The following MAPK10 variants were observed in gnomAD, a reference collection of about 807,000 sequenced individuals.
MAPK10 encodes the protein JNK3 alpha protein kinase.
MAPK10 carries 25 observed loss-of-function variants against 59.3 expected under a neutral mutation model. The observed-to-expected ratio is 0.42, with a 90% confidence interval of 0.31 to 0.59. MAPK10 has a LOEUF of 0.59. Ranked by LOEUF, MAPK10 falls within the 20% of genes least tolerant of loss-of-function variation. The pLI is 0.15. For missense variants in MAPK10, 351 were observed against 568.9 expected (o/e 0.62, Z 3.90); for synonymous variants, 190 against 200.5 (o/e 0.95, Z 0.44).
chr4:86,364,572 T>C (rs1239975138), upstream of MAPK10, among the ~76,000 whole-genome samples: 1 of 152,248 alleles, frequency 6.6e-6, no homozygotes, highest in African/African-American at 2.4e-5. Flanking sequence ...TTAAAAAATC[T>C]TTTAAGTCTA....
At chr4:86,062,955 A>C (rs1297798506) in intron 11 of MAPK10, among the ~76,000 whole-genome samples, 1 of 152,182 alleles carries the variant, frequency 6.6e-6, no homozygotes, top group Non-Finnish European at 1.5e-5. Flanking sequence ...TTATTTGGTA[A>C]GAATCAAATA....
intron 5 of MAPK10, 94 bp downstream of exon 5, chr4:86,107,129 C>T: frequency 1.0e-6 from 1 of 981,560 alleles, no homozygotes; most frequent in Non-Finnish European, 1.5e-6. Context: ...AATTGCAAAG[C>T]AAAGAAAGCC....
In MAPK10 at chr4:86,267,570, C is replaced by A. The variant is rs57570754; in HGVS notation, c.-6-73163G>T. Reference sequence around the variant, plus strand: ...AACATCTTAAATGATCTGTTCCCTGCCTCTCCTGGCCTCATCTGCTGCCAT... The same window carrying A: ...AACATCTTAAATGATCTGTTCCCTGACTCTCCTGGCCTCATCTGCTGCCAT... On this transcript the variant is annotated intron_variant, in intron 2 of 13. Coordinates refer to ENST00000641462, the MANE Select transcript of MAPK10 (RefSeq NM_138982.4). Among the ~76,000 whole-genome samples the A allele has an allele frequency of 1.5e-3, 234 of 152,230 alleles. 1 individual carries two copies. The highest frequency in any genetic ancestry group is 5.2e-3 in the African/African-American group (215 of 41,520).
intron 2 of MAPK10, among the ~76,000 whole-genome samples, chr4:86,227,478 C>A (rs1454051722): frequency 1.4e-5 from 2 of 137,950 alleles, no homozygotes; most frequent in Admixed American, 7.2e-5. Context: ...CAGAGCGAGA[C>A]TCCCTCTAAA....
intron 2 of MAPK10, among the ~76,000 whole-genome samples, chr4:86,256,759 G>C (rs74757605): frequency 1.6e-4 from 3 of 18,848 alleles, no homozygotes; most frequent in African/African-American, 3.5e-4. Flanking sequence ...TTTTTTTTTT[G>C]AGACAGAGTC....
At chr4:86,260,386 T>G (rs2148738116) in intron 2 of MAPK10, among the ~76,000 whole-genome samples, 1 of 152,244 alleles carries the variant, frequency 6.6e-6, no homozygotes, top group East Asian at 1.9e-4. Flanking sequence ...ATTGCTAAAC[T>G]TCCAACAGTG....
At chr4:86,589,719 T>C (rs1486605141) in intron 1 of MAPK10, among the ~76,000 whole-genome samples, 2 of 150,472 alleles carry the variant, frequency 1.3e-5, no homozygotes, top group African/African-American at 2.5e-5. Context: ...TTCTTTAATC[T>C]AGCAATTTTA....
At chr4:86,410,634 T>A (rs180877902) in intron 1 of MAPK10, among the ~76,000 whole-genome samples, 246 of 152,094 alleles carry the variant, frequency 1.6e-3, no homozygotes, top group African/African-American at 5.5e-3. Context: ...GTCTTGGGAG[T>A]GTGTATGTGT....
intron 1 of MAPK10, among the ~76,000 whole-genome samples, chr4:86,367,101 T>C (rs1738021336): frequency 6.6e-6 from 1 of 152,160 alleles, no homozygotes; most frequent in Admixed American, 6.5e-5. Context: ...AAAAGAGTGA[T>C]GTCATTAAAG....
intron 2 of MAPK10, among the ~76,000 whole-genome samples, chr4:86,249,074 C>T (rs2093277203): frequency 6.6e-6 from 1 of 152,024 alleles, no homozygotes; most frequent in Non-Finnish European, 1.5e-5. Context: ...AAGTAAATTC[C>T]CTTGGCCATA....
At chr4:86,263,270 A>G (rs879331270) in intron 2 of MAPK10, among the ~76,000 whole-genome samples, 2 of 152,160 alleles carry the variant, frequency 1.3e-5, no homozygotes, top group Non-Finnish European at 2.9e-5. Flanking sequence ...AAATGTAAGC[A>G]TGATGTTTCT....
chr4:86,079,466 C>T (rs915179634), intron 9 of MAPK10: 2 of 152,060 alleles, frequency 1.3e-5, no homozygotes, highest in African/African-American at 4.8e-5. Flanking sequence ...TAATTTTTTA[C>T]TGGTAATTTT....
intron 4 of MAPK10, among the ~76,000 whole-genome samples, chr4:86,149,931 TA>T (rs1400968835): frequency 1.3e-4 from 20 of 152,182 alleles, no homozygotes; most frequent in Admixed American, 1.2e-3. Flanking sequence ...ATTCTTAGCT[TA>T]AAATTCAAAA....
intron 8 of MAPK10, 44 bp downstream of exon 8, chr4:86,101,008 G>T: frequency 6.3e-7 from 1 of 1,579,212 alleles, no homozygotes; most frequent in Non-Finnish European, 8.7e-7. Flanking sequence ...ACGTGCACCC[G>T]TTTCATTCAT....
intron 11 of MAPK10, chr4:86,044,577 G>C: frequency 2.5e-6 from 1 of 393,308 alleles, no homozygotes; most frequent in Non-Finnish European, 4.5e-6. Context: ...CTAGTTCTTG[G>C]TAGAATACAA....
In MAPK10 at chr4:86,031,289, G is replaced by C. The variant is rs2038962645; in HGVS notation, c.1174+79C>G. Reference sequence around the variant, plus strand: ...TCAGCAAATCATTTTTTAGTAAATTGTTTTACAAGGAAAAGCCTTGTTGAT... The same window carrying C: ...TCAGCAAATCATTTTTTAGTAAATTCTTTTACAAGGAAAAGCCTTGTTGAT... On this transcript the variant is annotated intron_variant, in intron 12 of 13. Transcript: ENST00000641462. 30 of 1,020,486 alleles carry C rather than the reference G, an allele frequency of 2.9e-5. No homozygotes were observed. In the South Asian group the frequency reaches 4.0e-4, roughly 14 times the overall value. 63.2% of individuals were successfully genotyped at this position (1,020,486 alleles called of 1,614,324 possible). A position where few individuals can be genotyped will look rare whatever the true frequency, so the allele number is the denominator to read the frequency against.
At chr4:86,512,564 G>C (rs1156300673) in intron 1 of MAPK10, among the ~76,000 whole-genome samples, 1 of 152,120 alleles carries the variant, frequency 6.6e-6, no homozygotes, top group Non-Finnish European at 1.5e-5. Flanking sequence ...TCAATATAGA[G>C]ATAAAAACTT....
At chr4:86,581,918 TATATATATATATA>T (rs1762329080) in intron 1 of MAPK10, among the ~76,000 whole-genome samples, 1 of 60,168 alleles carries the variant, frequency 1.7e-5, no homozygotes, top group Non-Finnish European at 4.3e-5. Flanking sequence ...TATATATATA[TATATATATATATA>T]TATATATATA....
intron 1 of MAPK10, among the ~76,000 whole-genome samples, chr4:86,405,890 C>T (rs147604328): frequency 7.2e-4 from 109 of 152,310 alleles, no homozygotes; most frequent in African/African-American, 2.4e-3. Flanking sequence ...TTCTTCCAAA[C>T]ACTACAGTAA....
Sources: allele counts gnomAD v4.1 joint callset (sites outside exome capture counted in the v4.1 genomes callset), GRCh38; gene constraint gnomAD v4.1.1; transcripts MANE v1.5; gene names NCBI Gene and HGNC (gene_info 2026-07-23, HGNC 2026-07-21).